Variants in RBM25 observed in about 807,000 individuals in gnomAD.
The protein encoded by RBM25 is RNA binding motif protein 25, also known as RNA-binding protein 25.
A neutral mutation model predicts 120.7 loss-of-function variants in RBM25; 19 were observed. The observed-to-expected ratio is 0.16, with a 90% CI of 0.11 to 0.23. The LOEUF (loss-of-function observed/expected upper bound fraction) is 0.23, where lower values mean the gene tolerates loss of function less well. Among genes scored for constraint, RBM25 ranks in the 10% least tolerant of loss-of-function variants. RBM25 has a pLI of 1.00. For synonymous variants in RBM25, 390 were observed against 326.7 expected (o/e 1.19, Z -2.09); for missense variants, 605 against 1,041.5 (o/e 0.58, Z 5.77).
chr14:73,068,563 T>A, intron 1 of RBM25: 1 of 626,902 alleles, frequency 1.6e-6, no homozygotes, highest in Non-Finnish European at 2.9e-6. Flanking sequence ...GGCACTGATG[T>A]GCTTTTGCCA....
intron 6 of RBM25, among the ~76,000 whole-genome samples, chr14:73,096,561 C>G (rs878909776): frequency 6.6e-6 from 1 of 152,152 alleles, no homozygotes; most frequent in Non-Finnish European, 1.5e-5. Context: ...TACTACGTAA[C>G]TGAATTTTCA....
Position 73,103,409 on chromosome 14 carries a change from A to T in RBM25, c.1085A>T (p.Asp362Val), listed in dbSNP as rs755206792. 1 of 1,613,774 alleles carries T rather than the reference A, an allele frequency of 6.2e-7. No individual in the cohort carries two copies. The highest frequency in any genetic ancestry group is 8.5e-7 in the Non-Finnish European group (1 of 1,179,892). ...ACAAAAGAGAGAGACCGAGATCGGG[A>T]TCGAGAGAGAGATCGTGACCGGGAT... The part of the protein sequence containing the change: ...DRTKERDRDR[D>V]RERDRDRDRE... The change falls in exon 10 of 19, where the codon GAT becomes GTT. Residue 362 changes from aspartate (D) to valine (V), a missense_variant. This residue lies in a region of RBM25 where 465 missense variants were observed against 741.6 expected (regional missense o/e 0.63). Transcript: ENST00000261973.
At chr14:73,080,310 G>A (rs1566586840) in intron 4 of RBM25, among the ~76,000 whole-genome samples, 2 of 127,932 alleles carry the variant, frequency 1.6e-5, no homozygotes, top group Non-Finnish European at 3.1e-5. Flanking sequence ...TGCAAGCTCC[G>A]CCTCCTGGGT....
At chr14:73,075,971 A>G (rs368000660) in intron 2 of RBM25, among the ~76,000 whole-genome samples, 1 of 152,170 alleles carries the variant, frequency 6.6e-6, no homozygotes, top group African/African-American at 2.4e-5. Flanking sequence ...GGATTCTTTA[A>G]TAGCATTGTT....
intron 9 of RBM25, chr14:73,100,274 A>G (rs1336304113): frequency 2.9e-6 from 2 of 679,484 alleles, no homozygotes; most frequent in South Asian, 1.6e-5. Context: ...AAGCTAATCT[A>G]TTCATTGACC....
Position 73,120,496 on chromosome 14 carries a change from T to G in RBM25, c.*691T>G, listed in dbSNP as rs1259438672. ...TTATTAGTTTCCCAGAGCATGGTGTTCTCGTGTCGTGAGCAATGTGGTTTG... is the reference window on the plus strand; with the variant it reads ...TTATTAGTTTCCCAGAGCATGGTGTGCTCGTGTCGTGAGCAATGTGGTTTG... On this transcript the variant is annotated 3_prime_UTR_variant, in exon 19 of 19. Coordinates refer to ENST00000261973, the MANE Select transcript of RBM25 (RefSeq NM_021239.3). 1 of 152,642 alleles carries G rather than the reference T, an allele frequency of 6.6e-6. No individual in the cohort carries two copies. Among genetic ancestry groups the G allele is most frequent in the Non-Finnish European group, 1.5e-5 (1 of 68,040 alleles). 9.5% of individuals were successfully genotyped at this position (152,642 alleles called of 1,614,324 possible). A position where few individuals can be genotyped will look rare whatever the true frequency, so the allele number is the denominator to read the frequency against.
chr14:73,069,314 T>C (rs1410130921), intron 1 of RBM25, among the ~76,000 whole-genome samples: 2 of 152,234 alleles, frequency 1.3e-5, no homozygotes, highest in African/African-American at 4.8e-5. Flanking sequence ...CATAGAATGA[T>C]ATTAAGAAGA....
chr14:73,119,945 T>A lies in RBM25; in HGVS notation c.*140T>A. On this transcript the variant is annotated 3_prime_UTR_variant, in exon 19 of 19. Coordinates refer to ENST00000261973, the MANE Select transcript of RBM25 (RefSeq NM_021239.3). ...AGAAAATGTGAATTTTTTGGTCCTC[T>A]AATTTGTTGTTGCCCTGTGTACTCC... 7.8e-7 allele frequency: 1 copy of A among 1,285,104 alleles called. No homozygotes were observed. The highest frequency in any genetic ancestry group is 1.0e-6 in the Non-Finnish European group (1 of 978,032). 79.6% of individuals were successfully genotyped at this position (1,285,104 alleles called of 1,614,324 possible).
Position 73,099,361 on chromosome 14 carries a change from T to G in RBM25, c.730-19T>G, listed in dbSNP as rs770128768. ...TGTTTTTCTTTTTTAAAAAAGATTCTTGGTGGATTTTTTCACAGATTTTCC... is the reference window on the plus strand; with the variant it reads ...TGTTTTTCTTTTTTAAAAAAGATTCGTGGTGGATTTTTTCACAGATTTTCC... On this transcript the variant is annotated intron_variant, in intron 7 of 18. Coordinates refer to ENST00000261973, the MANE Select transcript of RBM25 (RefSeq NM_021239.3). The G allele has an allele frequency of 6.3e-7, 1 of 1,594,754 alleles. No individual in the cohort carries two copies. Among genetic ancestry groups the G allele is most frequent in the South Asian group, 1.1e-5 (1 of 87,098 alleles).
intron 3 of RBM25, among the ~76,000 whole-genome samples, chr14:73,076,925 C>T (rs1744628235): frequency 6.6e-6 from 1 of 152,134 alleles, no homozygotes; most frequent in Non-Finnish European, 1.5e-5. Flanking sequence ...ACTAAAAATA[C>T]AAAAAATTAT....
In RBM25 at chr14:73,083,538, C is replaced by T. The variant is rs903377880; in HGVS notation, c.369C>T (p.Ser123=). Reference sequence around the variant, plus strand: ...GCTGGAAGAGAGTACAAGGTGCTTCCGGAAAGCTTCAAGGTATGTCATTTT... The same window carrying T: ...GCTGGAAGAGAGTACAAGGTGCTTCTGGAAAGCTTCAAGGTATGTCATTTT... ...VLSWKRVQGA[S]GKLQAFGFCE... The change falls in exon 5 of 19, where the codon TCC becomes TCT. Residue 123 remains serine, a synonymous_variant. Transcript: ENST00000261973. 32 of 1,578,130 alleles carry T rather than the reference C, an allele frequency of 2.0e-5. No homozygotes were observed. The highest frequency in any genetic ancestry group is 2.4e-5 in the Non-Finnish European group (28 of 1,170,162).
chr14:73,103,948 T>TCTCTCTCACA lies in RBM25; in HGVS notation c.1154+471_1154+472insTCTCTCACAC, dbSNP rs1594928335. Among the ~76,000 whole-genome samples, 65 of 91,396 alleles carry TCTCTCTCACA rather than the reference T, an allele frequency of 7.1e-4. 1 individual carries two copies. The highest frequency in any genetic ancestry group is 1.3e-3 in the Non-Finnish European group (54 of 41,072). The allele number at this position is 91,396 out of a possible 152,430, so 60.0% of individuals were successfully genotyped here. Reference sequence around the variant, plus strand: ...CTCTCTCTCTCTCTCTCTCTCTCTCTCACACACACACACACACACACACAC... The same window carrying TCTCTCTCACA: ...CTCTCTCTCTCTCTCTCTCTCTCTCTCTCTCTCACACACACACACACACACACACACACAC... On this transcript the variant is annotated intron_variant, in intron 10 of 18. Coordinates refer to ENST00000261973, the MANE Select transcript of RBM25 (RefSeq NM_021239.3).
intron 1 of RBM25, 56 bp from the exon 2 acceptor site, chr14:73,071,571 A>T: frequency 1.7e-6 from 2 of 1,206,500 alleles, no homozygotes; most frequent in Non-Finnish European, 2.4e-6. Flanking sequence ...CAAAGAAGGC[A>T]TATAAAATTG....
intron 1 of RBM25, among the ~76,000 whole-genome samples, chr14:73,065,643 C>T (rs1351157918): frequency 1.3e-5 from 2 of 152,044 alleles, no homozygotes; most frequent in South Asian, 2.1e-4. Context: ...TGGTCTTGAT[C>T]TCCTGACCTT....
At chr14:73,095,948 A>T (rs372263246) in intron 6 of RBM25, among the ~76,000 whole-genome samples, 2 of 152,190 alleles carry the variant, frequency 1.3e-5, no homozygotes, top group African/African-American at 4.8e-5. Context: ...TTTTCCCCAC[A>T]TAGAGGGAAT....
intron 18 of RBM25, among the ~76,000 whole-genome samples, chr14:73,118,715 G>A (rs1395665912): frequency 6.6e-6 from 1 of 151,984 alleles, no homozygotes; most frequent in Admixed American, 6.6e-5. Context: ...TGTTTAGTAA[G>A]CCATGGAATT....
At chr14:73,077,275 T>A in intron 3 of RBM25, 94 bp from the exon 4 acceptor site, 2 of 1,076,628 alleles carry the variant, frequency 1.9e-6, no homozygotes, top group South Asian at 3.2e-5. Context: ...ATGTGCTATA[T>A]ATATTTATTT....
intron 1 of RBM25, chr14:73,065,019 C>A (rs1298651003): frequency 6.7e-6 from 1 of 149,404 alleles, no homozygotes; most frequent in Middle Eastern, 3.2e-3. Context: ...GGCGCGACCT[C>A]GGCTCACTGC....
At chr14:73,077,226 A>G (rs532935577) in intron 3 of RBM25, 143 bp from the exon 4 acceptor site, 6 of 596,148 alleles carry the variant, frequency 1.0e-5, no homozygotes, top group Non-Finnish European at 1.6e-5. Flanking sequence ...TATGCACTTT[A>G]GGAGCTTTAG....
Sources: gnomAD v4.1 joint callset for allele counts (sites outside exome capture counted in the v4.1 genomes callset) on GRCh38, gnomAD v4.1.1 for gene constraint, gnomAD v4.1.1 regional missense constraint, MANE v1.5 for transcripts, NCBI Gene and HGNC (gene_info 2026-07-23, HGNC 2026-07-21) for gene names.